Variants in CROCC observed in about 807,000 individuals in gnomAD.
CROCC encodes rootletin.
CROCC carries 180 observed loss-of-function variants against 245.2 expected under a neutral mutation model. The ratio of observed to expected loss-of-function variants is 0.73; its 90% confidence interval spans 0.65 to 0.83. CROCC has a LOEUF of 0.83. CROCC is among the 40% of genes least tolerant of loss of function. The pLI is 0.00. For synonymous variants in CROCC, 1,205 were observed against 1,241.6 expected (o/e 0.97, Z 0.62); for missense variants, 2,688 against 2,779.4 (o/e 0.97, Z 0.74).
At chr1:16,933,264 G>A (rs1332764190) in intron 8 of CROCC, among the ~76,000 whole-genome samples, 4 of 152,242 alleles carry the variant, frequency 2.6e-5, no homozygotes, top group African/African-American at 9.6e-5. Flanking sequence ...TCAGGAGTTC[G>A]AGACCAGCCT....
Position 16,953,455 on chromosome 1 carries a change from C to T in CROCC, c.3160C>T (p.Leu1054Phe). The T allele has an allele frequency of 2.5e-6, 4 of 1,608,630 alleles. No homozygotes were observed. Among genetic ancestry groups the T allele is most frequent in the Non-Finnish European group, 3.4e-6 (4 of 1,179,792 alleles). Residue 1054 changes from leucine (L) to phenylalanine (F), a missense_variant, in exon 21 of 37, where the codon CTC becomes TTC. Coordinates refer to ENST00000375541, the MANE Select transcript of CROCC (RefSeq NM_014675.5). ...GCAGCAGGAGCGCGACGAGGGCCTC[C>T]TCCTAGCAGAGAGTGAGAAGCAGCA... is the stretch of plus-strand genomic sequence containing the variant. ...ALQQERDEGLLLAESEKQQAL... is the reference protein window; with the variant it reads ...ALQQERDEGLFLAESEKQQAL...
chr1:16,933,464 C>T (rs937791122), intron 8 of CROCC, among the ~76,000 whole-genome samples: 4 of 152,012 alleles, frequency 2.6e-5, no homozygotes, highest in African/African-American at 9.7e-5. Flanking sequence ...GAAACTCTGT[C>T]TCGAAAAAAA....
Position 16,930,125 on chromosome 1 carries a change from T to C in CROCC, c.539T>C (p.Ile180Thr), listed in dbSNP as rs772840380. 39 of 1,591,818 alleles carry C rather than the reference T, an allele frequency of 2.5e-5. No homozygotes were observed. Among genetic ancestry groups the C allele is most frequent in the Non-Finnish European group, 3.3e-5 (39 of 1,169,926 alleles). The change falls in exon 5 of 37, where the codon ATT (isoleucine) becomes ACT (threonine). Residue 180 changes from isoleucine to threonine, a missense_variant and splice_region_variant. Physicochemically the swap from Ile to Thr is moderately conservative, Grantham distance 89 (BLOSUM62 -1). Coordinates refer to ENST00000375541, the MANE Select transcript of CROCC (RefSeq NM_014675.5). ...AQLVQRLQGKILQYKKRCSEL... is the reference protein window; with the variant it reads ...AQLVQRLQGKTLQYKKRCSEL... ...TCACCATCAGCTCCCCATCCCCAGA[T>C]TCTCCAGTACAAGAAGAGGTGCTCG...
Position 16,944,252 on chromosome 1 carries a change from GC to G in CROCC, c.1962del (p.Ala655ArgfsTer14), listed in dbSNP as rs1557609283. The G allele has an allele frequency of 1.3e-5, 20 of 1,548,246 alleles. No individual in the cohort carries two copies. Among genetic ancestry groups the G allele is most frequent in the Non-Finnish European group, 1.7e-5 (19 of 1,145,660 alleles). On this transcript the variant is annotated frameshift_variant, in exon 14 of 37. Coordinates refer to ENST00000375541, the MANE Select transcript of CROCC (RefSeq NM_014675.5). LOFTEE classifies it high-confidence loss of function. ...EEEQEDAVQD[G>X]ARVRRELERS... ...GAGCAGGAGGACGCAGTGCAGGATG[GC>G]GCGCGGGTGCGCCGGGAGCTTGAGC...
intron 27 of CROCC, among the ~76,000 whole-genome samples, chr1:16,964,111 T>TTTTTC (rs146533863): frequency 6.7e-6 from 1 of 148,426 alleles, no homozygotes; most frequent in Non-Finnish European, 1.5e-5. Flanking sequence ...CACTTTTTTC[T>TTTTTC]TTTTCTTTTC....
intron 13 of CROCC, among the ~76,000 whole-genome samples, chr1:16,941,876 GT>G (rs1243608498): frequency 1.3e-5 from 2 of 152,192 alleles, no homozygotes; most frequent in East Asian, 3.8e-4. Context: ...ATTTCTTGGA[GT>G]TTTTTTTAGA....
chr1:16,938,625 G>A, intron 11 of CROCC, 142 bp downstream of exon 11: 1 of 902,666 alleles, frequency 1.1e-6, no homozygotes, highest in East Asian at 2.6e-5. Flanking sequence ...ACCCCTGCTA[G>A]CTCACCCAGC....
chr1:16,951,153 C>G (rs1004630666), intron 20 of CROCC, 31 bp downstream of exon 20: 12 of 1,440,294 alleles, frequency 8.3e-6, no homozygotes, highest in African/African-American at 7.2e-5. Flanking sequence ...GTGGGCAGGA[C>G]TCTGAGCCAG....
chr1:16,938,522 G>T lies in CROCC; in HGVS notation c.1374+39G>T, dbSNP rs1406933272. 21 of 1,510,602 alleles carry T rather than the reference G, an allele frequency of 1.4e-5. No individual in the cohort carries two copies. The African/African-American group carries it at 2.3e-4, about 17-fold the overall frequency. 93.6% of individuals were successfully genotyped at this position (1,510,602 alleles called of 1,614,324 possible). A position where few individuals can be genotyped will look rare whatever the true frequency, so the allele number is the denominator to read the frequency against. On this transcript the variant is annotated intron_variant, in intron 11 of 36. Coordinates refer to ENST00000375541, the MANE Select transcript of CROCC (RefSeq NM_014675.5). ...GAGGCGGGAAGACAGCGCCCTGCCA[G>T]GCAGTCCCAGGCTCCCCCGCCACGT...
chr1:16,945,662 C>T, intron 15 of CROCC, 56 bp downstream of exon 15: 1 of 1,556,724 alleles, frequency 6.4e-7, no homozygotes, highest in East Asian at 2.3e-5. Context: ...CAGCCCCAAG[C>T]CTTGTCACTC....
At chr1:16,963,919 C>G (rs1302202580) in intron 27 of CROCC, among the ~76,000 whole-genome samples, 1 of 152,068 alleles carries the variant, frequency 6.6e-6, no homozygotes, top group Non-Finnish European at 1.5e-5. Context: ...CCTCAGCCTC[C>G]TGAGTAGCTG....
chr1:16,939,319 C>A (rs1376616006), intron 12 of CROCC, among the ~76,000 whole-genome samples, 177 bp downstream of exon 12: 5 of 152,348 alleles, frequency 3.3e-5, no homozygotes, highest in African/African-American at 1.2e-4. Flanking sequence ...TCAGGACCCC[C>A]AAGGAGGTGG....
chr1:16,924,033 A>G (rs1192218455), intron 2 of CROCC, among the ~76,000 whole-genome samples: 1 of 152,274 alleles, frequency 6.6e-6, no homozygotes, highest in Non-Finnish European at 1.5e-5. Flanking sequence ...CTAATTGGAA[A>G]AGGAGGGAGC....
chr1:16,972,069 G>A (rs910430218), intron 36 of CROCC, among the ~76,000 whole-genome samples: 67 of 152,328 alleles, frequency 4.4e-4, no homozygotes, highest in African/African-American at 1.6e-3. Flanking sequence ...CTGCTAGGCC[G>A]GGCTGGGTCA....
chr1:16,930,729 A>G (rs2075656931), intron 7 of CROCC, 135 bp downstream of exon 7: 1 of 1,053,136 alleles, frequency 9.5e-7, no homozygotes, highest in Non-Finnish European at 1.4e-6. Flanking sequence ...AATAGCCGTC[A>G]TCACAATAGC....
At chr1:16,934,158 G>A (rs2075738952) in intron 8 of CROCC, among the ~76,000 whole-genome samples, 1 of 152,246 alleles carries the variant, frequency 6.6e-6, no homozygotes, top group African/African-American at 2.4e-5. Flanking sequence ...ATCAAAGGCT[G>A]CAAAACTGTG....
chr1:16,955,336 C>T lies in CROCC; in HGVS notation c.3490C>T (p.Arg1164Cys), dbSNP rs761562886. Residue 1164 changes from arginine (R) to cysteine (C), a missense_variant, in exon 24 of 37, where the codon CGT becomes TGT. Arg to Cys is a radical substitution (Grantham distance 180). Around this residue, in one of 9 missense-constraint regions of CROCC, gnomAD observed 1,218 missense variants for 1,286.3 expected, o/e 0.95. Transcript: ENST00000375541. ...GGCAGAAGAGCTTCGGACCCAGCTG[C>T]GTCTGCTGGAGGATGCCCGTGACGG... ...REAEELRTQL[R>C]LLEDARDGLR... is the part of the protein sequence containing the mutation. 1.8e-5 allele frequency: 29 copies of T among 1,608,298 alleles called. No individual in the cohort carries two copies. Among genetic ancestry groups the T allele is most frequent in the Admixed American group, 1.7e-4 (10 of 59,998 alleles).
At chr1:16,961,428 C>G (rs1340788643) in intron 27 of CROCC, among the ~76,000 whole-genome samples, 1 of 151,846 alleles carries the variant, frequency 6.6e-6, no homozygotes, top group Non-Finnish European at 1.5e-5. Context: ...TGTGCCACCA[C>G]GCCCAGCTAA....
At position 16,948,476 on chromosome 1, in the gene CROCC, C is replaced by A; in HGVS notation, c.2660C>A (p.Ala887Asp). 2.6e-6 allele frequency: 4 copies of A among 1,555,908 alleles called. No homozygotes were observed. The highest frequency in any genetic ancestry group is 3.5e-6 in the Non-Finnish European group (4 of 1,151,534). ...GCTGGCCTGGCTGTGCAGCTGGTGG[C>A]TGCGGAGCGTGAAGGCAGGACCCTG... Reference protein sequence around the residue: ...EHAGLAVQLVAAEREGRTLSE... With the variant: ...EHAGLAVQLVDAEREGRTLSE... Residue 887 changes from alanine to aspartate, a missense_variant, in exon 18 of 37, where the codon GCT becomes GAT. Ala to Asp is a moderately radical substitution (Grantham distance 126). Transcript: ENST00000375541.
Sources: gnomAD v4.1 joint callset for allele counts (sites outside exome capture counted in the v4.1 genomes callset) on GRCh38, gnomAD v4.1.1 for gene constraint, gnomAD v4.1.1 regional missense constraint, MANE v1.5 for transcripts, NCBI Gene and HGNC (gene_info 2026-07-23, HGNC 2026-07-21) for gene names.